Variants in ASTN2 observed in about 807,000 individuals in gnomAD.
ASTN2 encodes astrotactin 2.
Under a neutral mutation model 139.8 loss-of-function variants are expected in ASTN2, and 54 were observed. That is an observed-to-expected ratio of 0.39 (90% CI 0.31 to 0.48). The LOEUF (loss-of-function observed/expected upper bound fraction) is 0.48. ASTN2 is among the 20% of genes least tolerant of loss of function. ASTN2 has a pLI of 0.95. For missense variants in ASTN2, 1,565 were observed against 1,725.1 expected, an observed-to-expected ratio of 0.91 and a Z score of 1.64; for synonymous variants, 756 against 719.5, an observed-to-expected ratio of 1.05 and a Z score of -0.81.
intron 19 of ASTN2, among the ~76,000 whole-genome samples, chr9:116,615,104 G>T (rs2131812288): frequency 6.6e-6 from 1 of 152,276 alleles, no homozygotes. Flanking sequence ...CATTTATGCA[G>T]CCAACAGACA....
At chr9:116,601,877 T>C (rs533295069) in intron 19 of ASTN2, among the ~76,000 whole-genome samples, 17 of 152,260 alleles carry the variant, frequency 1.1e-4, no homozygotes, top group Admixed American at 3.9e-4. Flanking sequence ...ATGACTACAT[T>C]GATTGTTATG....
At chr9:116,796,060 G>C (rs1243636376) in intron 13 of ASTN2, among the ~76,000 whole-genome samples, 1 of 152,210 alleles carries the variant, frequency 6.6e-6, no homozygotes, top group African/African-American at 2.4e-5. Context: ...CTCCTCCTTA[G>C]TGATGAACCT....
intron 3 of ASTN2, among the ~76,000 whole-genome samples, chr9:117,188,089 C>G (rs997036413): frequency 6.6e-6 from 1 of 151,448 alleles, no homozygotes; most frequent in African/African-American, 2.4e-5. Flanking sequence ...TAACCCCTCC[C>G]TAGTCATGAC....
chr9:117,374,610 C>A (rs1262637098), intron 1 of ASTN2, among the ~76,000 whole-genome samples: 2 of 152,022 alleles, frequency 1.3e-5, no homozygotes, highest in East Asian at 3.9e-4. Flanking sequence ...AATTCAAATA[C>A]AAAAGAAGGC....
At chr9:116,913,330 C>T (rs887677660) in intron 10 of ASTN2, among the ~76,000 whole-genome samples, 1 of 152,204 alleles carries the variant, frequency 6.6e-6, no homozygotes, top group African/African-American at 2.4e-5. Context: ...TCCATGGAGG[C>T]TGCTTTTTCT....
intron 10 of ASTN2, among the ~76,000 whole-genome samples, chr9:116,969,737 G>T (rs1836129354): frequency 6.6e-6 from 1 of 152,208 alleles, no homozygotes; most frequent in South Asian, 2.1e-4. Flanking sequence ...TCCTTGTTTT[G>T]CTACCTAGTG....
At chr9:117,144,927 C>T (rs1175305621) in intron 3 of ASTN2, among the ~76,000 whole-genome samples, 2 of 152,018 alleles carry the variant, frequency 1.3e-5, no homozygotes, top group African/African-American at 4.8e-5. Flanking sequence ...AAGTGATTGG[C>T]CTGCCTCAGC....
At position 117,414,500 on chromosome 9, in the gene ASTN2, G is replaced by A; in HGVS notation, c.439C>T (p.Leu147=). 1.2e-6 allele frequency: 2 copies of A among 1,608,822 alleles called. No individual in the cohort carries two copies. The highest frequency in any genetic ancestry group is 1.7e-6 in the Non-Finnish European group (2 of 1,178,102). ...GCGTGCCGGCGCCCAGCCTTACCCA[G>A]GGTGAAGAAGGGCAGCTCGGTGTTG... ...LDNTELPFFT[L]EMSGTAADIS... The change falls in exon 1 of 23, where the codon CTG becomes TTG. Residue 147 remains leucine (L), a synonymous_variant. Coordinates refer to ENST00000313400, the MANE Select transcript of ASTN2 (RefSeq NM_001365068.1). The surrounding 1 kb of genome is among the most constrained non-coding windows in gnomAD (Gnocchi z 4.2).
At chr9:117,259,472 C>T (rs1833771089) in intron 2 of ASTN2, among the ~76,000 whole-genome samples, 1 of 152,154 alleles carries the variant, frequency 6.6e-6, no homozygotes. Context: ...AACCAACCAG[C>T]ATTAACATCA....
intron 15 of ASTN2, among the ~76,000 whole-genome samples, chr9:116,726,347 T>C (rs10817927): frequency 0.72 from 109,886 of 151,840 alleles, 40,008 homozygotes; most frequent in South Asian, 0.81. Flanking sequence ...TCATATATAA[T>C]TTGACAACAA....
chr9:116,864,067 T>A (rs1588364914), intron 10 of ASTN2, among the ~76,000 whole-genome samples: 1 of 152,314 alleles, frequency 6.6e-6, no homozygotes, highest in East Asian at 1.9e-4. Flanking sequence ...CAGCTTACAA[T>A]GTGACCGAAG....
chr9:116,883,196 G>A (rs1389080633), intron 10 of ASTN2, among the ~76,000 whole-genome samples: 1 of 152,186 alleles, frequency 6.6e-6, no homozygotes, highest in East Asian at 1.9e-4. Flanking sequence ...AGGATGTCCT[G>A]TGAAAGTTTA....
intron 1 of ASTN2, among the ~76,000 whole-genome samples, chr9:117,368,285 A>T (rs1829900404): frequency 6.6e-6 from 1 of 151,944 alleles, no homozygotes; most frequent in Non-Finnish European, 1.5e-5. Context: ...ATGCGCACAC[A>T]TGTGCATGCA....
intron 2 of ASTN2, among the ~76,000 whole-genome samples, chr9:117,232,885 C>T (rs1832938124): frequency 8.2e-6 from 1 of 122,334 alleles, no homozygotes; most frequent in African/African-American, 3.6e-5. Flanking sequence ...CAACTAGGTA[C>T]AGATTTTTTT....
intron 18 of ASTN2, among the ~76,000 whole-genome samples, chr9:116,619,272 T>C (rs554873858): frequency 6.6e-6 from 1 of 152,176 alleles, no homozygotes; most frequent in South Asian, 2.1e-4. Flanking sequence ...TTCTCCCTCT[T>C]AATCACATGC....
chr9:116,429,016 C>G (rs574229223), intron 22 of ASTN2, among the ~76,000 whole-genome samples: 1 of 152,116 alleles, frequency 6.6e-6, no homozygotes, highest in South Asian at 2.1e-4. Context: ...TTGAGGAGAA[C>G]TGAGCGGAAG....
chr9:116,606,157 C>A (rs1016593101), intron 19 of ASTN2, among the ~76,000 whole-genome samples: 1 of 152,072 alleles, frequency 6.6e-6, no homozygotes, highest in Non-Finnish European at 1.5e-5. Context: ...GATTAGCGTG[C>A]GGGGCATTCA....
intron 1 of ASTN2, among the ~76,000 whole-genome samples, chr9:117,332,452 C>T (rs181052245): frequency 7.9e-5 from 12 of 152,196 alleles, no homozygotes; most frequent in Admixed American, 5.2e-4. Flanking sequence ...ACGTGTAGTC[C>T]GAGCTACTCA....
At chr9:117,354,523 C>A (rs1397388001) in intron 1 of ASTN2, among the ~76,000 whole-genome samples, 1 of 152,220 alleles carries the variant, frequency 6.6e-6, no homozygotes, top group Non-Finnish European at 1.5e-5. Flanking sequence ...GAGTTAACTA[C>A]TCCCTCTTGT....
Sources: gnomAD v4.1 joint callset for allele counts (sites outside exome capture counted in the v4.1 genomes callset) on GRCh38, gnomAD v4.1.1 for gene constraint, Gnocchi (gnomAD v3.1) non-coding constraint, MANE v1.5 for transcripts, NCBI Gene and HGNC (gene_info 2026-07-23, HGNC 2026-07-21) for gene names.